UTS2: variants seen among roughly 807,000 people sequenced by gnomAD.
UTS2 encodes urotensin-2.
In UTS2, 10 loss-of-function variants were observed where a neutral mutation model predicts 12.6. That is an observed-to-expected ratio of 0.80 (90% confidence interval 0.49 to 1.35). The LOEUF (loss-of-function observed/expected upper bound fraction) is 1.35, where lower values mean the gene tolerates loss of function less well. UTS2 is among the 40% of genes most tolerant of loss of function. UTS2 has a pLI of 0.00. For missense variants in UTS2, 142 were observed against 143.2 expected, an observed-to-expected ratio of 0.99 and a Z score of 0.04; for synonymous variants, 52 against 50.0, an observed-to-expected ratio of 1.04 and a Z score of -0.17.
chr1:7,869,191 G>C, the UTS2 span, among the ~76,000 whole-genome samples: 9 of 152,222 alleles, frequency 5.9e-5, no homozygotes, highest in African/African-American at 2.2e-4. Context: ...TCCTGCAGCT[G>C]ACCTTGATGG....
chr1:7,911,761 A>AC, the UTS2 span, among the ~76,000 whole-genome samples: 405 of 152,010 alleles, frequency 2.7e-3, 4 homozygotes, highest in African/African-American at 9.4e-3. Flanking sequence ...AATTAGCGGG[A>AC]GTGGTGGCAG....
At chr1:7,885,903 T>TGGGGGGGGGGGGGGGGGGGGG in the UTS2 span, among the ~76,000 whole-genome samples, 1 of 5,268 alleles carries the variant, frequency 1.9e-4, no homozygotes. Flanking sequence ...GGTGGGGGGG[T>TGGGGGGGGGGGGGGGGGGGGG]GGGGTGGGGG....
upstream of UTS2, among the ~76,000 whole-genome samples, chr1:7,854,172 C>T (rs7545295): frequency 0.021 from 3,240 of 151,864 alleles, 101 homozygotes; most frequent in African/African-American, 0.074. Context: ...GGTGAAACCC[C>T]GTCTCTACTA....
At chr1:7,902,309 G>A in the UTS2 span, among the ~76,000 whole-genome samples, 1 of 152,182 alleles carries the variant, frequency 6.6e-6, no homozygotes. Context: ...TGGGCTCTGG[G>A]CAGATTGCCT....
At chr1:7,870,923 A>G in the UTS2 span, among the ~76,000 whole-genome samples, 34,612 of 152,112 alleles carry the variant, frequency 0.23, 4,613 homozygotes, top group African/African-American at 0.35. Flanking sequence ...ATAATATCAA[A>G]AAGGACTTAT....
At chr1:7,875,229 CA>C in the UTS2 span, among the ~76,000 whole-genome samples, 1 of 152,040 alleles carries the variant, frequency 6.6e-6, no homozygotes, top group African/African-American at 2.4e-5. Flanking sequence ...CGCCCGCCAC[CA>C]AGCCAAGCTA....
chr1:7,887,100 C>G, the UTS2 span, among the ~76,000 whole-genome samples: 1 of 137,220 alleles, frequency 7.3e-6, no homozygotes, highest in African/African-American at 2.7e-5. Flanking sequence ...TGTGGCCAGG[C>G]TGTTTTTTCT....
chr1:7,863,286 T>C, the UTS2 span, among the ~76,000 whole-genome samples: 4 of 151,962 alleles, frequency 2.6e-5, no homozygotes, highest in Admixed American at 2.0e-4. Context: ...TAATTTTGTA[T>C]TTTTAGTAGA....
At chr1:7,863,071 TTGTATTGTATTGTATTGTATTGTATTGTA>T in the UTS2 span, among the ~76,000 whole-genome samples, 28 of 100,860 alleles carry the variant, frequency 2.8e-4, no homozygotes, top group African/African-American at 1.1e-3. Flanking sequence ...TTGTATTGTA[TTGTATTGTATTGTATTGTATTGTATTGTA>T]TTGTATTGTA....
the UTS2 span, among the ~76,000 whole-genome samples, chr1:7,899,869 A>C: frequency 6.6e-6 from 1 of 152,212 alleles, no homozygotes; most frequent in Admixed American, 6.5e-5. Flanking sequence ...TCAGAGCTGA[A>C]GTCATCTGGA....
intron 1 of UTS2, among the ~76,000 whole-genome samples, chr1:7,852,023 A>G (rs1426246610): frequency 6.6e-6 from 1 of 151,940 alleles, no homozygotes; most frequent in African/African-American, 2.4e-5. Flanking sequence ...GCCAATGATC[A>G]TCTCGGTGAC....
chr1:7,891,357 C>G, the UTS2 span, among the ~76,000 whole-genome samples: 1 of 151,888 alleles, frequency 6.6e-6, no homozygotes, highest in South Asian at 2.1e-4. Flanking sequence ...GAAACCCGGT[C>G]TCTACTAAAA....
intron 3 of UTS2, among the ~76,000 whole-genome samples, chr1:7,849,016 G>A (rs187402920): frequency 6.2e-4 from 94 of 152,226 alleles, no homozygotes; most frequent in African/African-American, 2.2e-3. Flanking sequence ...TGCTGCTGGC[G>A]GTGGGCCGCA....
chr1:7,855,655 T>G (rs1187021935), upstream of UTS2, among the ~76,000 whole-genome samples: 1 of 151,304 alleles, frequency 6.6e-6, no homozygotes, highest in East Asian at 1.9e-4. Flanking sequence ...AGTGCTGGGA[T>G]TACAGGTGTG....
At chr1:7,898,091 C>T in the UTS2 span, among the ~76,000 whole-genome samples, 2 of 152,168 alleles carry the variant, frequency 1.3e-5, no homozygotes, top group Non-Finnish European at 2.9e-5. Flanking sequence ...ATGTATACAA[C>T]CATGCCATCT....
the UTS2 span, among the ~76,000 whole-genome samples, chr1:7,892,831 G>A: frequency 6.6e-6 from 1 of 151,888 alleles, no homozygotes; most frequent in Admixed American, 6.6e-5. Context: ...ATTACACCAG[G>A]CCCACCCAGA....
chr1:7,890,957 G>A, the UTS2 span, among the ~76,000 whole-genome samples: 1 of 106,646 alleles, frequency 9.4e-6, no homozygotes, highest in African/African-American at 3.3e-5. Context: ...CTTTATTTGT[G>A]ATACCCTCCA....
chr1:7,906,506 A>AGAAAGAAAGAAG, the UTS2 span, among the ~76,000 whole-genome samples: 1 of 143,618 alleles, frequency 7.0e-6, no homozygotes, highest in African/African-American at 2.5e-5. Flanking sequence ...AAAGAAAGAA[A>AGAAAGAAAGAAG]GAAAAGAGGG....
At chr1:7,869,696 G>A in the UTS2 span, among the ~76,000 whole-genome samples, 1 of 152,206 alleles carries the variant, frequency 6.6e-6, no homozygotes, top group Non-Finnish European at 1.5e-5. Context: ...AGTCCAGCGG[G>A]GGATGCGTCA....
Sources: allele counts gnomAD v4.1 joint callset (sites outside exome capture counted in the v4.1 genomes callset), GRCh38; gene constraint gnomAD v4.1.1; transcripts MANE v1.5; gene names NCBI Gene and HGNC (gene_info 2026-07-23, HGNC 2026-07-21).